The following STK32B variants were observed in gnomAD, a reference collection of about 807,000 sequenced individuals.
The protein encoded by STK32B is serine/threonine-protein kinase 32B.
A neutral mutation model predicts 52.6 loss-of-function variants in STK32B; 43 were observed. That is an observed-to-expected ratio of 0.82 (90% CI 0.64 to 1.05). The LOEUF is 1.05. Among genes scored for constraint, STK32B ranks in the 50% least tolerant of loss-of-function variants. The pLI is 0.00. For missense variants in STK32B, 621 were observed against 534.6 expected (o/e 1.16, Z -1.59); for synonymous variants, 238 against 204.3 (o/e 1.17, Z -1.41).
At chr4:5,163,485 G>A (rs993180996) in intron 2 of STK32B, among the ~76,000 whole-genome samples, 3 of 151,856 alleles carry the variant, frequency 2.0e-5, no homozygotes, top group Admixed American at 2.0e-4. Flanking sequence ...GGAGAGGTTG[G>A]TGATAGAGAA....
At chr4:5,339,173 A>G (rs1039393833) in intron 4 of STK32B, among the ~76,000 whole-genome samples, 14 of 152,182 alleles carry the variant, frequency 9.2e-5, no homozygotes, top group Non-Finnish European at 1.5e-4. Context: ...TCAGGCCTTC[A>G]TACTTGAATT....
intron 4 of STK32B, among the ~76,000 whole-genome samples, chr4:5,357,837 C>T (rs1204359715): frequency 6.6e-6 from 1 of 151,964 alleles, no homozygotes; most frequent in East Asian, 1.9e-4. Flanking sequence ...CCCACCACAC[C>T]TCCCATCACT....
chr4:5,482,782 A>C (rs1261268567), intron 11 of STK32B, among the ~76,000 whole-genome samples: 1 of 152,186 alleles, frequency 6.6e-6, no homozygotes, highest in Non-Finnish European at 1.5e-5. Context: ...ATTCATTAAG[A>C]GTTTTCAGGA....
In STK32B at chr4:5,496,644, C is replaced by G. The variant is rs987697134; in HGVS notation, c.1107-2301C>G. 5.3e-5 allele frequency among the ~76,000 whole-genome samples: 8 copies of G among 152,118 alleles called. No homozygotes were observed. The South Asian group carries it at 1.4e-3, about 28-fold the overall frequency. On this transcript the variant is annotated intron_variant, in intron 11 of 11. Transcript: ENST00000282908. ...TGCAGAAATCACCCATCTTCTGCGT[C>G]GCTCACACTGGGAGCTGTAGACCGG...
At chr4:5,208,457 C>T (rs906298871) in intron 3 of STK32B, among the ~76,000 whole-genome samples, 2 of 152,154 alleles carry the variant, frequency 1.3e-5, no homozygotes, top group African/African-American at 4.8e-5. Context: ...ATATACAACA[C>T]TTTGTAGTTG....
chr4:5,345,942 T>G (rs1268855227), intron 4 of STK32B, among the ~76,000 whole-genome samples: 1 of 152,238 alleles, frequency 6.6e-6, no homozygotes. Context: ...CCTGTCATAT[T>G]GTGGGACAGT....
At chr4:5,298,187 T>G (rs1729328489) in intron 3 of STK32B, among the ~76,000 whole-genome samples, 1 of 152,144 alleles carries the variant, frequency 6.6e-6, no homozygotes, top group South Asian at 2.1e-4. Context: ...CGGCCAGATG[T>G]CAGCTGGAGC....
chr4:5,437,073 G>A (rs1714148810), intron 6 of STK32B, among the ~76,000 whole-genome samples: 2 of 152,226 alleles, frequency 1.3e-5, no homozygotes, highest in African/African-American at 4.8e-5. Flanking sequence ...GTGCACCAGG[G>A]CACCAATCCC....
At chr4:5,037,457 AAATT>A in the STK32B span, among the ~76,000 whole-genome samples, 1 of 152,250 alleles carries the variant, frequency 6.6e-6, no homozygotes, top group Admixed American at 6.5e-5. Flanking sequence ...GTGATTGAAT[AAATT>A]AATGAATGTC....
intron 3 of STK32B, among the ~76,000 whole-genome samples, chr4:5,323,922 C>A (rs976317644): frequency 2.6e-5 from 4 of 152,204 alleles, no homozygotes; most frequent in Non-Finnish European, 5.9e-5. Context: ...GGCTCAGTCC[C>A]AGCTCTGCTA....
At chr4:5,152,387 T>A (rs1391963923) in intron 2 of STK32B, among the ~76,000 whole-genome samples, 3 of 152,250 alleles carry the variant, frequency 2.0e-5, no homozygotes, top group African/African-American at 4.8e-5. Context: ...GTCCTGGCTC[T>A]GTTGATAACT....
intron 1 of STK32B, among the ~76,000 whole-genome samples, chr4:5,081,406 C>G (rs1212323978): frequency 6.6e-6 from 1 of 152,136 alleles, no homozygotes. Context: ...GTCCGTATAT[C>G]TCCGCATATT....
In STK32B at chr4:5,442,513, G is replaced by C. The variant is rs528441249; in HGVS notation, c.563-4160G>C. ...CTATGTGTGTCTCTGCACGTGAGAT[G>C]GATTTCCTGAATACAGCACACTGAT... On this transcript the variant is annotated intron_variant, in intron 6 of 11. Coordinates refer to ENST00000282908, the MANE Select transcript of STK32B (RefSeq NM_018401.3). Among the ~76,000 whole-genome samples, 291 of 150,120 alleles carry C rather than the reference G, an allele frequency of 1.9e-3. 4 individuals carry two copies. Among genetic ancestry groups the C allele is most frequent in the Middle Eastern group, 6.9e-3 (2 of 290 alleles).
At chr4:5,238,283 G>A (rs1724769607) in intron 3 of STK32B, among the ~76,000 whole-genome samples, 5 of 152,068 alleles carry the variant, frequency 3.3e-5, no homozygotes, top group Admixed American at 2.6e-4. Context: ...GTGGGCGGTT[G>A]TAGGAATTCC....
chr4:5,178,694 C>G (rs7676633), intron 3 of STK32B, among the ~76,000 whole-genome samples: 8,229 of 152,288 alleles, frequency 0.054, 411 homozygotes, highest in Admixed American at 0.16. Context: ...CCACAGATCT[C>G]TAGGGCAAGG....
chr4:5,054,451 C>T (rs80311234), intron 1 of STK32B, among the ~76,000 whole-genome samples: 12 of 142,804 alleles, frequency 8.4e-5, no homozygotes, highest in East Asian at 2.1e-4. Context: ...GGGGGAAGGA[C>T]GTTTCAGAGA....
chr4:5,355,179 C>A (rs1734090381), intron 4 of STK32B, among the ~76,000 whole-genome samples: 1 of 152,202 alleles, frequency 6.6e-6, no homozygotes, highest in African/African-American at 2.4e-5. Flanking sequence ...GTTGAGAAAA[C>A]AAACTGAAAT....
intron 3 of STK32B, among the ~76,000 whole-genome samples, chr4:5,256,947 G>A (rs1726344903): frequency 6.6e-6 from 1 of 152,136 alleles, no homozygotes; most frequent in African/African-American, 2.4e-5. Flanking sequence ...GAATGAGTAA[G>A]TGGATGAATA....
At chr4:5,217,899 T>C (rs949709429) in intron 3 of STK32B, among the ~76,000 whole-genome samples, 3 of 152,194 alleles carry the variant, frequency 2.0e-5, no homozygotes, top group African/African-American at 7.2e-5. Context: ...AGTGTTCTCA[T>C]GCGGTGAAAC....
Sources: allele counts gnomAD v4.1 joint callset (sites outside exome capture counted in the v4.1 genomes callset), GRCh38; gene constraint gnomAD v4.1.1; transcripts MANE v1.5; gene names NCBI Gene and HGNC (gene_info 2026-07-23, HGNC 2026-07-21).